The following GSTK1 variants were observed in gnomAD, a reference collection of about 807,000 sequenced individuals.
GSTK1 encodes the protein GST class-kappa.
In GSTK1, 25 loss-of-function variants were observed where a neutral mutation model predicts 30.9. The ratio of observed to expected loss-of-function variants is 0.81; its 90% CI spans 0.59 to 1.13. The LOEUF is 1.13. Among genes scored for constraint, GSTK1 ranks in the 50% most tolerant of loss-of-function variants. GSTK1 has a pLI of 0.00. For synonymous variants in GSTK1, 108 were observed against 112.5 expected (o/e 0.96, Z 0.25); for missense variants, 292 against 292.4 (o/e 1.00, Z 0.01).
chr7:143,267,766 C>A, intron 6 of GSTK1, 33 bp downstream of exon 6: 1 of 1,419,958 alleles, frequency 7.0e-7, no homozygotes, highest in Non-Finnish European at 9.9e-7. Flanking sequence ...TCCCAGCACC[C>A]ATCCTGAAGA....
At chr7:143,265,208 C>A (rs371788051) in intron 4 of GSTK1, 53 bp from the exon 5 acceptor site, 3 of 1,606,400 alleles carry the variant, frequency 1.9e-6, no homozygotes, top group Non-Finnish European at 1.7e-6. Flanking sequence ...ACTGTCCTCC[C>A]AGTCACACCC....
intron 5 of GSTK1, 65 bp downstream of exon 5, chr7:143,265,361 G>T: frequency 7.2e-7 from 1 of 1,379,694 alleles, no homozygotes; most frequent in South Asian, 1.4e-5. Context: ...GCGTTTGGGG[G>T]TAAAGAAGAC....
intron 3 of GSTK1, 122 bp from the exon 4 acceptor site, chr7:143,264,870 G>A: frequency 1.6e-6 from 2 of 1,277,222 alleles, no homozygotes; most frequent in Non-Finnish European, 2.2e-6. Flanking sequence ...TAGGTCATGG[G>A]AACCTTGGGT....
intron 6 of GSTK1, among the ~76,000 whole-genome samples, 158 bp downstream of exon 6, chr7:143,267,891 G>A (rs1488173985): frequency 1.3e-5 from 2 of 151,984 alleles, no homozygotes; most frequent in East Asian, 3.9e-4. Context: ...TCTTTTCCTT[G>A]GGCTCAGGGA....
In GSTK1 at chr7:143,264,612, G is replaced by A. The variant is rs976548203; in HGVS notation, c.219G>A (p.Leu73=). 1.2e-6 allele frequency: 2 copies of A among 1,613,936 alleles called. No homozygotes were observed. The highest frequency in any genetic ancestry group is 1.7e-6 in the Non-Finnish European group (2 of 1,179,950). Residue 73 remains leucine, a synonymous_variant, in exon 3 of 8, where the codon CTG becomes CTA. Transcript: ENST00000358406. ...ACATGGCAAATGACTTAAAGCTCCT[G>A]AGACACCATCTCCAGATTCCCATCC... ...GLYMANDLKL[L]RHHLQIPIHF... is the part of the protein sequence containing the mutation.
At chr7:143,267,374 G>A (rs1436572830) in intron 5 of GSTK1, among the ~76,000 whole-genome samples, 1 of 152,150 alleles carries the variant, frequency 6.6e-6, no homozygotes, top group Non-Finnish European at 1.5e-5. Flanking sequence ...TCTCTAAGAT[G>A]TCCGCTGGTG....
At position 143,268,645 on chromosome 7, in the gene GSTK1, A is replaced by T. The variant is rs112840607; in HGVS notation, c.632-143A>T. 1.4e-3 allele frequency: 931 copies of T among 683,750 alleles called. 6 individuals carry two copies. In the African/African-American group the frequency reaches 0.015, roughly 11 times the overall value. The allele number at this position is 683,750 out of a possible 1,614,324, so 42.4% of individuals were successfully genotyped here. On this transcript the variant is annotated intron_variant, in intron 7 of 7. Transcript: ENST00000358406. This position sits in a 1 kb window ranked among gnomAD's most constrained non-coding sequence, Gnocchi z 4.1. The stretch of plus-strand genomic sequence containing the variant: ...GTTGAGTGGGCAGGGGCTGTCTTCA[A>T]CCCCATAAAAGAAAAGGAAGCCTTC...
rs1456984863 is a variant in GSTK1 at position 143,263,570 on chromosome 7, C to T, written c.57C>T (p.Ser19=). The T allele has an allele frequency of 6.2e-7, 1 of 1,609,886 alleles. No homozygotes were observed. Among genetic ancestry groups the T allele is most frequent in the Non-Finnish European group, 8.5e-7 (1 of 1,179,984 alleles). ...TCTATGACGTGCTGTCCCCCTACTC[C>T]TGGCTGGGCTTCGAGGTGACGCTGG... ...ELFYDVLSPY[S]WLGFEILCRY... is the part of the protein sequence containing the mutation. Residue 19 remains serine, a synonymous_variant, in exon 1 of 8, where the codon TCC becomes TCT. Transcript: ENST00000358406.
chr7:143,268,319 C>A lies in GSTK1; in HGVS notation c.631+135C>A. 1 of 640,056 alleles carries A rather than the reference C, an allele frequency of 1.6e-6. No homozygotes were observed. Among genetic ancestry groups the A allele is most frequent in the Non-Finnish European group, 2.7e-6 (1 of 366,794 alleles). The allele number at this position is 640,056 out of a possible 1,614,324, so 39.6% of individuals were successfully genotyped here. A position where few individuals can be genotyped will look rare whatever the true frequency, so the allele number is the denominator to read the frequency against. On this transcript the variant is annotated intron_variant, in intron 7 of 7. Transcript: ENST00000358406. The surrounding 1 kb of genome is among the most constrained non-coding windows in gnomAD (Gnocchi z 4.1). ...CATCCTGGCCAACATGGTGAAACCC[C>A]GTCTCTACTAAAAATATAAAAATTA...
chr7:143,265,172 T>C (rs752226657), intron 4 of GSTK1, 80 bp downstream of exon 4: 2 of 1,610,334 alleles, frequency 1.2e-6, no homozygotes, highest in East Asian at 2.2e-5. Context: ...TTCAGGGTCA[T>C]GATCCTGCCC....
Position 143,267,691 on chromosome 7 carries a change from G to A in GSTK1, c.495G>A (p.Lys165=). Residue 165 remains lysine, a synonymous_variant, in exon 6 of 8, where the codon AAG becomes AAA. Coordinates refer to ENST00000358406, the MANE Select transcript of GSTK1 (RefSeq NM_015917.3). ...AAAAGATCGCAACGCCAAAGGTGAA[G>A]AACCAGCTCAAGGAGACCACTGAGG... is the stretch of plus-strand genomic sequence containing the variant. The part of the protein sequence containing the change: ...LLEKIATPKV[K]NQLKETTEAA... 1.9e-6 allele frequency: 3 copies of A among 1,614,068 alleles called. No homozygotes were observed. Among genetic ancestry groups the A allele is most frequent in the Non-Finnish European group, 2.5e-6 (3 of 1,180,000 alleles).
Position 143,264,630 on chromosome 7 carries a change from T to C in GSTK1, c.237T>C (p.Ile79=), listed in dbSNP as rs1437409881. 6.2e-7 allele frequency: 1 copy of C among 1,614,078 alleles called. No homozygotes were observed. Among genetic ancestry groups the C allele is most frequent in the Admixed American group, 1.7e-5 (1 of 60,014 alleles). Residue 79 remains isoleucine, a synonymous_variant, in exon 3 of 8, where the codon ATT becomes ATC. Coordinates refer to ENST00000358406, the MANE Select transcript of GSTK1 (RefSeq NM_015917.3). ...AGCTCCTGAGACACCATCTCCAGAT[T>C]CCCATCCACTTCCCCAAGGATTTCT... ...DLKLLRHHLQ[I]PIHFPKDFLS...
intron 1 of GSTK1, 77 bp downstream of exon 1, chr7:143,263,662 C>T: frequency 2.2e-6 from 3 of 1,382,576 alleles, no homozygotes; most frequent in Non-Finnish European, 3.0e-6. Flanking sequence ...GGCTCCGGGA[C>T]AGAGGTCTCG....
rs1800819831 is a variant in GSTK1, at chr7:143,264,694, T to C, written c.283+18T>C. On this transcript the variant is annotated intron_variant, in intron 3 of 7. Transcript: ENST00000358406. ...TGAAAAAGGTGAAGAGAGTGGGATG[T>C]AGACAGGGTATCCAGTGAAAAACAC... The C allele has an allele frequency of 1.2e-6, 2 of 1,613,570 alleles. No homozygotes were observed. The highest frequency in any genetic ancestry group is 1.7e-6 in the Non-Finnish European group (2 of 1,179,896).
intron 6 of GSTK1, among the ~76,000 whole-genome samples, 155 bp downstream of exon 6, chr7:143,267,888 C>T (rs1269066896): frequency 3.3e-5 from 5 of 152,074 alleles, no homozygotes; most frequent in Non-Finnish European, 7.4e-5. Context: ...CCTTCTTTTC[C>T]TTGGGCTCAG....
chr7:143,269,075 T>C lies in GSTK1; in HGVS notation c.*238T>C, dbSNP rs1328266116. 1.8e-6 allele frequency: 1 copy of C among 555,822 alleles called. No individual in the cohort carries two copies. The highest frequency in any genetic ancestry group is 1.9e-5 in the African/African-American group (1 of 52,828). The allele number at this position is 555,822 out of a possible 1,614,324, so 34.4% of individuals were successfully genotyped here. A position where few individuals can be genotyped will look rare whatever the true frequency, so the allele number is the denominator to read the frequency against. On this transcript the variant is annotated 3_prime_UTR_variant, in exon 8 of 8. Coordinates refer to ENST00000358406, the MANE Select transcript of GSTK1 (RefSeq NM_015917.3). ...AGTGCCTTTCAGAGAGCCCCAATTC[T>C]GCTTTCCCACAAAATAAACCTAATG...
At chr7:143,265,365 AG>A (rs1442507393) in intron 5 of GSTK1, 69 bp downstream of exon 5, 2 of 1,295,046 alleles carry the variant, frequency 1.5e-6, no homozygotes, top group East Asian at 2.5e-5. Context: ...TTGGGGGTAA[AG>A]AAGACAATAG....
chr7:143,267,429 T>G (rs1800912039), intron 5 of GSTK1, among the ~76,000 whole-genome samples, 188 bp from the exon 6 acceptor site: 1 of 152,202 alleles, frequency 6.6e-6, no homozygotes, highest in African/African-American at 2.4e-5. Context: ...TTTCTCCTTT[T>G]CCACCCATCT....
At chr7:143,265,320 A>G in intron 5 of GSTK1, 24 bp downstream of exon 5, 1 of 1,578,160 alleles carries the variant, frequency 6.3e-7, no homozygotes, top group Non-Finnish European at 8.6e-7. Context: ...CTCCACCCCA[A>G]CTGCACTCAT....
Sources: allele counts gnomAD v4.1 joint callset (sites outside exome capture counted in the v4.1 genomes callset), GRCh38; gene constraint gnomAD v4.1.1; non-coding constraint Gnocchi (gnomAD v3.1); transcripts MANE v1.5; gene names NCBI Gene and HGNC (gene_info 2026-07-23, HGNC 2026-07-21).